The following STAP1 variants were observed in gnomAD, a reference collection of about 807,000 sequenced individuals.
STAP1 encodes signal transducing adaptor family member 1, also known as signal-transducing adaptor protein 1.
In STAP1, 30 loss-of-function variants were observed where a neutral mutation model predicts 37.8. The ratio of observed to expected loss-of-function variants is 0.79; its 90% CI spans 0.59 to 1.08. The LOEUF (loss-of-function observed/expected upper bound fraction) is 1.08. STAP1 is among the 50% of genes least tolerant of loss of function. The probability of loss-of-function intolerance (pLI) is 0.00; values close to 1 mark genes in which losing one functional copy is unlikely to be tolerated. For synonymous variants in STAP1, 130 were observed against 116.0 expected, an observed-to-expected ratio of 1.12 and a Z score of -0.78; for missense variants, 357 against 349.4, an observed-to-expected ratio of 1.02 and a Z score of -0.17.
chr4:67,577,249 C>T lies in STAP1; in HGVS notation c.353C>T (p.Thr118Ile), dbSNP rs1253369617. The change falls in exon 4 of 9, where the codon ACA (threonine) becomes ATA (isoleucine). Residue 118 changes from threonine to isoleucine, a missense_variant. Physicochemically the swap from Thr to Ile is moderately conservative, Grantham distance 89. Coordinates refer to ENST00000265404, the MANE Select transcript of STAP1 (RefSeq NM_012108.4). ...SGEEWRGFILTVTELSVPQNV... is the reference protein window; with the variant it reads ...SGEEWRGFILIVTELSVPQNV... The stretch of plus-strand genomic sequence containing the variant: ...GAAGAATGGAGAGGCTTCATTCTTA[C>T]AGTAACAGAGGTAGGAAGCTCACTG... 5.0e-6 allele frequency: 8 copies of T among 1,605,376 alleles called. No individual in the cohort carries two copies. Among genetic ancestry groups the T allele is most frequent in the Non-Finnish European group, 5.1e-6 (6 of 1,176,336 alleles).
chr4:67,576,856 T>A (rs1727733345), intron 3 of STAP1, among the ~76,000 whole-genome samples: 1 of 152,238 alleles, frequency 6.6e-6, no homozygotes, highest in Non-Finnish European at 1.5e-5. Context: ...TGGAAGTTTC[T>A]ACTATCAAAT....
chr4:67,581,382 A>G lies in STAP1; in HGVS notation c.441A>G (p.Lys147=). ...KLHEVLEREK[K]RRIETEQSTS... is the part of the protein sequence containing the mutation. ...ATGAAGTCCTAGAGAGAGAAAAGAA[A>G]AGGAGGATTGAGACAGAGCAGAGTA... Residue 147 remains lysine, a synonymous_variant, in exon 5 of 9, where the codon AAA becomes AAG. Transcript: ENST00000265404. 1 of 1,614,130 alleles carries G rather than the reference A, an allele frequency of 6.2e-7. No individual in the cohort carries two copies. Among genetic ancestry groups the G allele is most frequent in the Non-Finnish European group, 8.5e-7 (1 of 1,179,968 alleles).
At chr4:67,592,569 G>A (rs965298295) in intron 7 of STAP1, among the ~76,000 whole-genome samples, 6 of 152,146 alleles carry the variant, frequency 3.9e-5, no homozygotes, top group Admixed American at 1.3e-4. Context: ...GGACTAGGAC[G>A]CAGTTACTTG....
At chr4:67,577,474 C>T (rs1727750429) in intron 4 of STAP1, among the ~76,000 whole-genome samples, 1 of 151,952 alleles carries the variant, frequency 6.6e-6, no homozygotes, top group South Asian at 2.1e-4. Flanking sequence ...CACATTGTGA[C>T]AATTGTTATG....
rs114514460 is a variant in STAP1 at position 67,581,042 on chromosome 4, G to A, written c.364-263G>A. 0.01 allele frequency among the ~76,000 whole-genome samples: 1,560 copies of A among 152,256 alleles called. 26 individuals carry two copies. The highest frequency in any genetic ancestry group is 0.035 in the African/African-American group (1,461 of 41,544). On this transcript the variant is annotated intron_variant, in intron 4 of 8. Coordinates refer to ENST00000265404, the MANE Select transcript of STAP1 (RefSeq NM_012108.4). ...TGAATTAGCTTTTAGTGCAAGGCGG[G>A]GTGTTCTTTGCTTTGGGGCCAAACC...
chr4:67,583,531 T>G (rs369976980), intron 5 of STAP1, 43 bp from the exon 6 acceptor site: 2 of 1,548,430 alleles, frequency 1.3e-6, no homozygotes, highest in African/African-American at 1.4e-5. Context: ...ATGATCTTCA[T>G]CAGTTAAAAA....
At chr4:67,586,934 G>C (rs1320094764) in intron 6 of STAP1, among the ~76,000 whole-genome samples, 1 of 152,182 alleles carries the variant, frequency 6.6e-6, no homozygotes, top group African/African-American at 2.4e-5. Context: ...TTTAGGCTTT[G>C]AGAAATAGTT....
At chr4:67,562,188 A>T (rs188805252) in intron 1 of STAP1, among the ~76,000 whole-genome samples, 211 of 139,044 alleles carry the variant, frequency 1.5e-3, no homozygotes, top group African/African-American at 5.4e-3. Context: ...GTGCTAAAGT[A>T]AAAAAAAAAA....
intron 3 of STAP1, among the ~76,000 whole-genome samples, chr4:67,576,908 A>C (rs554664352): frequency 6.6e-6 from 1 of 152,344 alleles, no homozygotes; most frequent in East Asian, 1.9e-4. Flanking sequence ...TTAACTGCTA[A>C]TGGAGAGAGT....
intron 2 of STAP1, among the ~76,000 whole-genome samples, chr4:67,572,918 G>A (rs1399720753): frequency 6.6e-6 from 1 of 152,184 alleles, no homozygotes; most frequent in East Asian, 1.9e-4. Flanking sequence ...TTGCTCCTAA[G>A]CCAGCCTTCT....
chr4:67,569,070 T>C (rs540545611), intron 1 of STAP1, among the ~76,000 whole-genome samples: 3 of 152,324 alleles, frequency 2.0e-5, no homozygotes, highest in Non-Finnish European at 4.4e-5. Context: ...CAACCATAGA[T>C]GGTATAGCCT....
In STAP1 at chr4:67,590,921, G is replaced by A. The variant is rs1426474692; in HGVS notation, c.697G>A (p.Gly233Arg). 2.5e-6 allele frequency: 4 copies of A among 1,612,440 alleles called. No homozygotes were observed. Among genetic ancestry groups the A allele is most frequent in the Non-Finnish European group, 2.5e-6 (3 of 1,179,392 alleles). ...RIKHYKVMSV[G>R]QNYTIELEKP... ...CAAGCACTACAAAGTGATGAGCGTA[G>A]GACAAAACTACACTATTGAACTGGA... The change falls in exon 7 of 9, where the codon GGA (glycine) becomes AGA (arginine). Residue 233 changes from glycine (G) to arginine (R), a missense_variant. Transcript: ENST00000265404.
At chr4:67,572,246 G>T (rs1424434627) in intron 2 of STAP1, among the ~76,000 whole-genome samples, 1 of 152,190 alleles carries the variant, frequency 6.6e-6, no homozygotes, top group Admixed American at 6.5e-5. Context: ...AATTTGAAGA[G>T]AATTTAATAA....
At chr4:67,574,978 G>A (rs889773950) in intron 2 of STAP1, among the ~76,000 whole-genome samples, 1 of 152,070 alleles carries the variant, frequency 6.6e-6, no homozygotes, top group Non-Finnish European at 1.5e-5. Context: ...GTATTATATG[G>A]TATTTTCACC....
intron 1 of STAP1, among the ~76,000 whole-genome samples, chr4:67,560,029 C>G (rs984194074): frequency 6.6e-6 from 1 of 151,714 alleles, no homozygotes; most frequent in Non-Finnish European, 1.5e-5. Flanking sequence ...ATCTTGTCAC[C>G]ACAGGTAAGC....
intron 6 of STAP1, among the ~76,000 whole-genome samples, chr4:67,587,683 T>C (rs1016837370): frequency 2.0e-5 from 3 of 151,832 alleles, no homozygotes; most frequent in Non-Finnish European, 1.5e-5. Flanking sequence ...AACAAGTATT[T>C]ATAACCACAT....
At chr4:67,587,444 CA>C (rs1448463750) in intron 6 of STAP1, among the ~76,000 whole-genome samples, 5 of 152,226 alleles carry the variant, frequency 3.3e-5, no homozygotes, top group African/African-American at 1.2e-4. Context: ...ACTCTTGTCT[CA>C]ATGTAGACTA....
chr4:67,602,716 C>G (rs1304080641), intron 8 of STAP1, among the ~76,000 whole-genome samples: 1 of 152,136 alleles, frequency 6.6e-6, no homozygotes, highest in African/African-American at 2.4e-5. Flanking sequence ...GAGTCTCTCC[C>G]CACCTCCTCT....
chr4:67,590,291 T>A (rs1728091894), intron 6 of STAP1, among the ~76,000 whole-genome samples: 2 of 152,204 alleles, frequency 1.3e-5, no homozygotes, highest in South Asian at 4.1e-4. Context: ...ACGATTCATG[T>A]AATGTACTTA....
Sources: gnomAD v4.1 joint callset for allele counts (sites outside exome capture counted in the v4.1 genomes callset) on GRCh38, gnomAD v4.1.1 for gene constraint, MANE v1.5 for transcripts, NCBI Gene and HGNC (gene_info 2026-07-23, HGNC 2026-07-21) for gene names.